The following C8orf74 variants were observed in gnomAD, a reference collection of about 807,000 sequenced individuals.
The protein encoded by C8orf74 is chromosome 8 open reading frame 74.
A neutral mutation model predicts 22.2 loss-of-function variants in C8orf74; 29 were observed. The observed-to-expected ratio is 1.31, with a 90% CI of 0.97 to 1.78. The LOEUF (loss-of-function observed/expected upper bound fraction) is 1.78. C8orf74 is among the 40% of genes most tolerant of loss of function. The pLI is 0.00. For missense variants in C8orf74, 515 were observed against 369.9 expected (o/e 1.39, Z -3.22); for synonymous variants, 255 against 163.1 (o/e 1.56, Z -4.30).
intron 1 of C8orf74, among the ~76,000 whole-genome samples, chr8:10,673,991 C>T (rs1467994498): frequency 1.4e-5 from 2 of 144,520 alleles, no homozygotes; most frequent in East Asian, 2.1e-4. Context: ...TATCATACCC[C>T]ACAACCTTCA....
intron 2 of C8orf74, among the ~76,000 whole-genome samples, chr8:10,685,575 A>G (rs570983311): frequency 1.3e-5 from 2 of 152,322 alleles, no homozygotes; most frequent in South Asian, 4.1e-4. Context: ...TCCGTCTATG[A>G]GGAACACAGA....
intron 2 of C8orf74, chr8:10,691,178 A>G: frequency 3.0e-6 from 1 of 330,946 alleles, no homozygotes. Flanking sequence ...CAGCCCAGGG[A>G]CTCCTTCCCT....
At chr8:10,685,554 T>C (rs528912119) in intron 2 of C8orf74, among the ~76,000 whole-genome samples, 2 of 152,220 alleles carry the variant, frequency 1.3e-5, no homozygotes, top group African/African-American at 4.8e-5. Flanking sequence ...AAAGAATAAA[T>C]ATCGTATGAG....
At chr8:10,684,464 C>A (rs1293907807) in intron 2 of C8orf74, among the ~76,000 whole-genome samples, 1 of 152,192 alleles carries the variant, frequency 6.6e-6, no homozygotes, top group African/African-American at 2.4e-5. Flanking sequence ...CCTGAGCTTG[C>A]CCTCTGAGCC....
chr8:10,684,174 T>C lies in C8orf74; in HGVS notation c.241+9336T>C, dbSNP rs562112335. ...GCAGTCTTGGGTGGATGGGTACTGC[T>C]GTCCACATTTCACTAATTCAACTGA... On this transcript the variant is annotated intron_variant, in intron 2 of 3. Transcript: ENST00000304519. Among the ~76,000 whole-genome samples, 102 of 152,366 alleles carry C rather than the reference T, an allele frequency of 6.7e-4. 1 individual carries two copies. Among genetic ancestry groups the C allele is most frequent in the African/African-American group, 2.3e-3 (97 of 41,588 alleles).
At chr8:10,680,697 C>G (rs546728672) in intron 2 of C8orf74, among the ~76,000 whole-genome samples, 1 of 152,376 alleles carries the variant, frequency 6.6e-6, no homozygotes, top group South Asian at 2.1e-4. Context: ...TGGCCCTGAG[C>G]ACACAAGGGT....
chr8:10,676,016 T>G (rs1006386215), intron 2 of C8orf74, among the ~76,000 whole-genome samples: 3 of 151,874 alleles, frequency 2.0e-5, no homozygotes, highest in African/African-American at 7.3e-5. Flanking sequence ...ATCGGATGGG[T>G]CGTGATGATG....
intron 2 of C8orf74, among the ~76,000 whole-genome samples, chr8:10,693,233 A>G (rs1175211124): frequency 6.6e-6 from 1 of 152,180 alleles, no homozygotes; most frequent in African/African-American, 2.4e-5. Flanking sequence ...CCTTTGCACA[A>G]GCTGCTCCCC....
At chr8:10,695,284 G>A (rs983657543) in intron 2 of C8orf74, among the ~76,000 whole-genome samples, 1 of 152,170 alleles carries the variant, frequency 6.6e-6, no homozygotes, top group Admixed American at 6.5e-5. Flanking sequence ...AAAGGCCCGT[G>A]TCATATCTAA....
At chr8:10,695,396 T>C (rs186513730) in intron 2 of C8orf74, among the ~76,000 whole-genome samples, 131 of 152,180 alleles carry the variant, frequency 8.6e-4, no homozygotes, top group African/African-American at 3.1e-3. Context: ...AAAGGAGAAG[T>C]ACAGCCTCCA....
chr8:10,679,114 C>T (rs187652411), intron 2 of C8orf74, among the ~76,000 whole-genome samples: 21 of 152,312 alleles, frequency 1.4e-4, no homozygotes, highest in Admixed American at 1.3e-3. Context: ...TGGCCATTCC[C>T]TCAGCCTCTC....
chr8:10,694,946 A>G (rs57211637), intron 2 of C8orf74, among the ~76,000 whole-genome samples: 54,313 of 151,256 alleles, frequency 0.36, 12,902 homozygotes, highest in African/African-American at 0.68. Context: ...TTGGGTGCAT[A>G]GATGGGTGGG....
chr8:10,682,527 C>T (rs553166337), intron 2 of C8orf74, among the ~76,000 whole-genome samples: 71 of 152,304 alleles, frequency 4.7e-4, no homozygotes, highest in Non-Finnish European at 9.0e-4. Context: ...TCCCTCTGTG[C>T]ACCTGTTCCC....
chr8:10,700,455 C>A lies in C8orf74; in HGVS notation c.869C>A (p.Ala290Glu), dbSNP rs61742897. 6.3e-7 allele frequency: 1 copy of A among 1,588,690 alleles called. No homozygotes were observed. Among genetic ancestry groups the A allele is most frequent in the South Asian group, 1.1e-5 (1 of 87,826 alleles). The change falls in exon 4 of 4, where the codon GCG becomes GAG. Residue 290 changes from alanine (A) to glutamate (E), a missense_variant. Physicochemically the swap from Ala to Glu is moderately radical, Grantham distance 107. Coordinates refer to ENST00000304519, the MANE Select transcript of C8orf74 (RefSeq NM_001040032.2). ...KPQRASKGKK[A>E]KARK ...CAAAGAGCGAGCAAAGGAAAGAAAGCGAAGGCAAGGAAGTAGAAGGTCCCG... is the reference window on the plus strand; with the variant it reads ...CAAAGAGCGAGCAAAGGAAAGAAAGAGAAGGCAAGGAAGTAGAAGGTCCCG...
In C8orf74 at chr8:10,674,827, G is replaced by A; in HGVS notation, c.230G>A (p.Arg77Lys). The change falls in exon 2 of 4, where the codon AGG becomes AAG. Residue 77 changes from arginine (R) to lysine (K), a missense_variant. Physicochemically the swap from Arg to Lys is conservative, Grantham distance 26. Coordinates refer to ENST00000304519, the MANE Select transcript of C8orf74 (RefSeq NM_001040032.2). ...GTCAAGTTCACAGAAGAGCTGCTAA[G>A]GGAAACCAAAGGTATGGTGTGTCCA... ...QVVKFTEELL[R>K]ETKGCSITEA... is the part of the protein sequence containing the mutation. 3.1e-6 allele frequency: 5 copies of A among 1,600,742 alleles called. No homozygotes were observed. The highest frequency in any genetic ancestry group is 4.3e-6 in the Non-Finnish European group (5 of 1,173,794).
chr8:10,682,084 G>A (rs1433110913), intron 2 of C8orf74, among the ~76,000 whole-genome samples: 1 of 152,154 alleles, frequency 6.6e-6, no homozygotes, highest in Non-Finnish European at 1.5e-5. Context: ...ACATCGGGGA[G>A]CCTCCAGCCT....
intron 2 of C8orf74, among the ~76,000 whole-genome samples, chr8:10,675,235 G>T (rs1799008107): frequency 6.6e-6 from 1 of 152,348 alleles, no homozygotes; most frequent in East Asian, 1.9e-4. Flanking sequence ...CAGGTGCCGG[G>T]GGAGTCCTGG....
chr8:10,681,468 G>A (rs938640584), intron 2 of C8orf74, among the ~76,000 whole-genome samples: 1 of 152,200 alleles, frequency 6.6e-6, no homozygotes, highest in Non-Finnish European at 1.5e-5. Flanking sequence ...GGAGGCTCAG[G>A]AGAGGAGAGG....
At chr8:10,675,333 T>C (rs557581419) in intron 2 of C8orf74, among the ~76,000 whole-genome samples, 3 of 151,926 alleles carry the variant, frequency 2.0e-5, no homozygotes, top group East Asian at 1.9e-4. Context: ...AGGGCTTGCA[T>C]GAGAAAAGGA....
Sources: allele counts gnomAD v4.1 joint callset (sites outside exome capture counted in the v4.1 genomes callset), GRCh38; gene constraint gnomAD v4.1.1; transcripts MANE v1.5; gene names NCBI Gene and HGNC (gene_info 2026-07-23, HGNC 2026-07-21).